Variants in RBM41 observed in about 807,000 individuals in gnomAD.
RBM41 encodes RNA-binding protein 41.
In RBM41, 14 loss-of-function variants were observed where a neutral mutation model predicts 30.8. The ratio of observed to expected loss-of-function variants is 0.45; its 90% CI spans 0.30 to 0.71. RBM41 has a LOEUF of 0.71. Among genes scored for constraint, RBM41 ranks in the 30% least tolerant of loss-of-function variants. RBM41 has a pLI of 0.08. For synonymous variants in RBM41, 120 were observed against 110.1 expected, an observed-to-expected ratio of 1.09 and a Z score of -0.56; for missense variants, 276 against 326.3, an observed-to-expected ratio of 0.85 and a Z score of 1.19.
intron 5 of RBM41, among the ~76,000 whole-genome samples, chrX:107,092,151 T>C: frequency 9.0e-6 from 1 of 110,977 alleles, no homozygotes; most frequent in East Asian, 2.8e-4. Context: ...ATAGGAGTAG[T>C]TATGTAAGTA....
chrX:107,093,242 T>C (rs1012549173), intron 5 of RBM41, among the ~76,000 whole-genome samples: 9 of 111,468 alleles, frequency 8.1e-5, no homozygotes, highest in African/African-American at 2.9e-4. Flanking sequence ...TAATTTTTAA[T>C]GTTGGTCTGG....
At chrX:107,097,547 C>A (rs771457083) in intron 5 of RBM41, among the ~76,000 whole-genome samples, 4 of 111,327 alleles carry the variant, frequency 3.6e-5, no homozygotes, top group African/African-American at 6.5e-5. Flanking sequence ...CTCTCTCCTG[C>A]CACCTTGTGA....
chrX:107,098,404 A>G (rs1923163487), intron 5 of RBM41, among the ~76,000 whole-genome samples: 1 of 112,164 alleles, frequency 8.9e-6, no homozygotes, highest in Admixed American at 9.4e-5. Flanking sequence ...AACATCATAA[A>G]GCTAGACTGT....
chrX:107,098,980 G>A (rs1202015915), intron 5 of RBM41, among the ~76,000 whole-genome samples: 1 of 109,629 alleles, frequency 9.1e-6, no homozygotes, highest in African/African-American at 3.3e-5. Context: ...GGGTGACAGG[G>A]GAAGACTCTT....
At chrX:107,106,314 A>G (rs1285549) in intron 5 of RBM41, among the ~76,000 whole-genome samples, 5,407 of 111,352 alleles carry the variant, frequency 0.049, 369 homozygotes, top group African/African-American at 0.17. Flanking sequence ...CAAAACCACA[A>G]TGAGATACCA....
downstream of RBM41, among the ~76,000 whole-genome samples, chrX:107,060,070 T>C (rs762180601): frequency 9.0e-6 from 1 of 110,636 alleles, no homozygotes; most frequent in Non-Finnish European, 1.9e-5. Flanking sequence ...GGGACATGTC[T>C]AAGAACAGAG....
Position 107,064,142 on chromosome X carries a change from AG to A in RBM41, c.*3384del, listed in dbSNP as rs1935749393. On this transcript the variant is annotated 3_prime_UTR_variant, in exon 8 of 8. Transcript: ENST00000685964. The stretch of plus-strand genomic sequence containing the variant: ...AATTTTTTGTATTTTTAGTAGAGAC[AG>A]GGTTTCACCATGTTACCCAGAATGG... Among the ~76,000 whole-genome samples the A allele has an allele frequency of 2.8e-5, 3 of 108,794 alleles. No individual in the cohort carries two copies. In the Admixed American group the frequency reaches 3.0e-4, roughly 11 times the overall value. The allele number at this position is 108,794 out of a possible 115,157, so 94.5% of individuals were successfully genotyped here.
intron 2 of RBM41, 80 bp from the exon 3 acceptor site, chrX:107,116,134 G>A (rs1386121298): frequency 1.0e-6 from 1 of 999,307 alleles, no homozygotes. Flanking sequence ...CACTGTAAGA[G>A]GTACAATGAA....
chrX:107,089,961 A>G (rs1922367826), intron 5 of RBM41, among the ~76,000 whole-genome samples: 1 of 112,340 alleles, frequency 8.9e-6, no homozygotes, highest in Non-Finnish European at 1.9e-5. Flanking sequence ...TCTAAAATGA[A>G]CTTACCATCA....
At chrX:107,084,669 C>T (rs1602571579) in intron 6 of RBM41, among the ~76,000 whole-genome samples, 1 of 111,541 alleles carries the variant, frequency 9.0e-6, no homozygotes, top group Non-Finnish European at 1.9e-5. Context: ...CTAAGTGTTT[C>T]TACCAGTTTA....
At chrX:107,077,496 G>A (rs1921066722) in intron 6 of RBM41, among the ~76,000 whole-genome samples, 1 of 109,244 alleles carries the variant, frequency 9.2e-6, no homozygotes, top group South Asian at 4.0e-4. Context: ...AGGGGATGCT[G>A]GGATACATCC....
At chrX:107,110,725 G>T (rs943418461) in intron 5 of RBM41, among the ~76,000 whole-genome samples, 1 of 111,373 alleles carries the variant, frequency 9.0e-6, no homozygotes, top group Non-Finnish European at 1.9e-5. Context: ...AAACAGTGTG[G>T]TACTGGCATA....
intron 6 of RBM41, chrX:107,070,573 T>C (rs1405292238): frequency 4.0e-5 from 9 of 226,148 alleles, no homozygotes; most frequent in Non-Finnish European, 7.3e-5. Flanking sequence ...TTCCTACTTA[T>C]AAAGTTGGGC....
At chrX:107,110,905 T>C (rs1325835855) in intron 5 of RBM41, among the ~76,000 whole-genome samples, 2 of 110,762 alleles carry the variant, frequency 1.8e-5, no homozygotes, top group Non-Finnish European at 3.8e-5. Context: ...ACTCAAAAGG[T>C]TCAAAGACCT....
chrX:107,094,212 T>C (rs1569337769), intron 5 of RBM41, among the ~76,000 whole-genome samples: 1 of 112,316 alleles, frequency 8.9e-6, no homozygotes, highest in Non-Finnish European at 1.9e-5. Context: ...ATTCATTCTA[T>C]GATATCAGTA....
chrX:107,062,308 G>A lies in RBM41; in HGVS notation c.*5219C>T, dbSNP rs959011325. Among the ~76,000 whole-genome samples the A allele has an allele frequency of 2.7e-5, 3 of 111,627 alleles. No individual in the cohort carries two copies. The highest frequency in any genetic ancestry group is 9.8e-5 in the African/African-American group (3 of 30,696). ...CGGTTTATCTATGCACCAGTTGAAG[G>A]ATATCCTTCATTTTTATGTTCCTCA... On this transcript the variant is annotated 3_prime_UTR_variant, in exon 8 of 8. Transcript: ENST00000685964.
intron 6 of RBM41, among the ~76,000 whole-genome samples, chrX:107,077,573 A>AACACACACAC (rs35841168): frequency 0.035 from 3,228 of 92,626 alleles, 96 homozygotes; most frequent in South Asian, 0.084. Context: ...CAACATACAT[A>AACACACACAC]ACACACACAC....
At chrX:107,114,633 C>T (rs1403720827) in intron 4 of RBM41, 1 of 110,433 alleles carries the variant, frequency 9.1e-6, no homozygotes, top group East Asian at 2.8e-4. Context: ...ACACAGTGGC[C>T]TTTGCCTCCT....
chrX:107,057,257 G>A (rs987511416), downstream of RBM41, among the ~76,000 whole-genome samples: 2 of 110,748 alleles, frequency 1.8e-5, no homozygotes, highest in African/African-American at 6.6e-5. Flanking sequence ...GTGTAAAGCT[G>A]GGTTATTGAT....
Sources: allele counts gnomAD v4.1 joint callset (sites outside exome capture counted in the v4.1 genomes callset), GRCh38; gene constraint gnomAD v4.1.1; transcripts MANE v1.5; gene names NCBI Gene and HGNC (gene_info 2026-07-23, HGNC 2026-07-21).